The following C3orf62 variants were observed in gnomAD, a reference collection of about 807,000 sequenced individuals.
C3orf62 encodes the protein uncharacterized protein C3orf62.
A neutral mutation model predicts 21.7 loss-of-function variants in C3orf62; 16 were observed. The ratio of observed to expected loss-of-function variants is 0.74; its 90% CI spans 0.50 to 1.12. C3orf62 has a LOEUF of 1.12. C3orf62 is among the 50% of genes most tolerant of loss of function. The pLI, the probability that C3orf62 is intolerant of heterozygous loss-of-function variation, is 0.00. For missense variants in C3orf62, 310 were observed against 318.8 expected (o/e 0.97, Z 0.21); for synonymous variants, 114 against 117.0 (o/e 0.97, Z 0.17).
chr3:49,270,934 C>T lies in C3orf62; in HGVS notation c.*246G>A, dbSNP rs890218316. 9 of 500,498 alleles carry T rather than the reference C, an allele frequency of 1.8e-5. No homozygotes were observed. The highest frequency in any genetic ancestry group is 3.7e-5 in the Admixed American group (1 of 27,056). The allele number at this position is 500,498 out of a possible 1,614,324, so 31.0% of individuals were successfully genotyped here. A position where few individuals can be genotyped will look rare whatever the true frequency, so the allele number is the denominator to read the frequency against. The stretch of plus-strand genomic sequence containing the variant: ...GTATATTGAACATCAATCAAAAAAA[C>T]ACATTCAAGATGTCAAGGAAAGTTA... On this transcript the variant is annotated 3_prime_UTR_variant, in exon 3 of 3. Coordinates refer to ENST00000343010, the MANE Select transcript of C3orf62 (RefSeq NM_198562.3).
chr3:49,274,793 T>G (rs575994126), intron 1 of C3orf62, among the ~76,000 whole-genome samples: 37 of 151,552 alleles, frequency 2.4e-4, no homozygotes, highest in Non-Finnish European at 4.6e-4. Flanking sequence ...TCCAAAGTGC[T>G]GGGATTACAG....
intron 1 of C3orf62, among the ~76,000 whole-genome samples, chr3:49,276,217 A>G (rs1382083211): frequency 6.6e-6 from 1 of 152,272 alleles, no homozygotes; most frequent in South Asian, 2.1e-4. Context: ...ACGATTGACA[A>G]CTAGCCCCTC....
At chr3:49,273,810 C>A (rs1487817038) in intron 2 of C3orf62, among the ~76,000 whole-genome samples, 2 of 152,080 alleles carry the variant, frequency 1.3e-5, no homozygotes. Flanking sequence ...CGTGCACCAC[C>A]ACGCCTGGCT....
chr3:49,277,149 C>G lies in C3orf62; in HGVS notation c.-277G>C, dbSNP rs539655510. Reference sequence around the variant, plus strand: ...AGGCCGCTGGCCCTACCGGCACCCCCCCTTTGGCGAGTCGGCAGCCACGTC... The same window carrying G: ...AGGCCGCTGGCCCTACCGGCACCCCGCCTTTGGCGAGTCGGCAGCCACGTC... On this transcript the variant is annotated 5_prime_UTR_variant, in exon 1 of 3. Coordinates refer to ENST00000343010, the MANE Select transcript of C3orf62 (RefSeq NM_198562.3). 113 of 1,439,370 alleles carry G rather than the reference C, an allele frequency of 7.9e-5. No individual in the cohort carries two copies. The African/African-American group carries it at 9.0e-4, about 11-fold the overall frequency. 89.2% of individuals were successfully genotyped at this position (1,439,370 alleles called of 1,614,324 possible). A position where few individuals can be genotyped will look rare whatever the true frequency, so the allele number is the denominator to read the frequency against.
chr3:49,276,552 C>G lies in C3orf62; in HGVS notation c.321G>C (p.Leu107=). The G allele has an allele frequency of 3.1e-6, 5 of 1,614,202 alleles. No individual in the cohort carries two copies. Among genetic ancestry groups the G allele is most frequent in the Non-Finnish European group, 4.2e-6 (5 of 1,180,032 alleles). The change falls in exon 1 of 3, where the codon CTG becomes CTC. Residue 107 remains leucine (L), a synonymous_variant. Transcript: ENST00000343010. ...HAPVNAKPHA[L]CPERKPLTSK... is the part of the protein sequence containing the mutation. ...TGGTTAGAGGTTTTCTCTCGGGGCA[C>G]AGAGCATGTGGTTTTGCATTTACCG... is the stretch of plus-strand genomic sequence containing the variant.
Position 49,271,190 on chromosome 3 carries a change from T to G in C3orf62, c.794A>C (p.Gln265Pro), listed in dbSNP as rs993550670. 1 of 1,612,042 alleles carries G rather than the reference T, an allele frequency of 6.2e-7. No individual in the cohort carries two copies. Among genetic ancestry groups the G allele is most frequent in the Non-Finnish European group, 8.5e-7 (1 of 1,178,284 alleles). The change falls in exon 3 of 3, where the codon CAA becomes CCA. Residue 265 changes from glutamine to proline, a missense_variant. By Grantham distance (76) the Gln-to-Pro change is moderately conservative. Coordinates refer to ENST00000343010, the MANE Select transcript of C3orf62 (RefSeq NM_198562.3). ...CTTAGATAACTGTCCTTACTCAATT[T>G]GGTATTTAAAAGACGTCATCACATT... Reference protein sequence around the residue: ...DYNVMTSFKYQIE With the variant: ...DYNVMTSFKYPIE
chr3:49,273,797 C>T (rs1021121438), intron 2 of C3orf62, among the ~76,000 whole-genome samples: 2 of 151,770 alleles, frequency 1.3e-5, no homozygotes, highest in African/African-American at 2.4e-5. Context: ...CTGGGATTAC[C>T]GGCGTGCACC....
rs2046968647 is a variant in C3orf62 at position 49,277,014 on chromosome 3, G to C, written c.-142C>G. 6.8e-7 allele frequency: 1 copy of C among 1,462,914 alleles called. No homozygotes were observed. The highest frequency in any genetic ancestry group is 9.0e-7 in the Non-Finnish European group (1 of 1,110,324). 90.6% of individuals were successfully genotyped at this position (1,462,914 alleles called of 1,614,324 possible). A position where few individuals can be genotyped will look rare whatever the true frequency, so the allele number is the denominator to read the frequency against. The stretch of plus-strand genomic sequence containing the variant: ...TTCCTCCTGGAGTAGGCGGTTCTCG[G>C]CTCTCGCGGAGGAACCCGCCATCTG... On this transcript the variant is annotated 5_prime_UTR_variant, in exon 1 of 3. Coordinates refer to ENST00000343010, the MANE Select transcript of C3orf62 (RefSeq NM_198562.3).
chr3:49,273,389 A>C (rs1575594821), intron 2 of C3orf62, among the ~76,000 whole-genome samples: 1 of 151,962 alleles, frequency 6.6e-6, no homozygotes, highest in East Asian at 1.9e-4. Flanking sequence ...GTGCCACTGC[A>C]CTCCAGCCTG....
Position 49,276,550 on chromosome 3 carries a change from C to A in C3orf62, c.323G>T (p.Cys108Phe). Reference protein sequence around the residue: ...APVNAKPHALCPERKPLTSKE... With the variant: ...APVNAKPHALFPERKPLTSKE... Reference sequence around the variant, plus strand: ...GCTGGTTAGAGGTTTTCTCTCGGGGCACAGAGCATGTGGTTTTGCATTTAC... The same window carrying A: ...GCTGGTTAGAGGTTTTCTCTCGGGGAACAGAGCATGTGGTTTTGCATTTAC... The change falls in exon 1 of 3, where the codon TGC (cysteine) becomes TTC (phenylalanine). Residue 108 changes from cysteine to phenylalanine, a missense_variant. Transcript: ENST00000343010. 6.2e-7 allele frequency: 1 copy of A among 1,614,230 alleles called. No homozygotes were observed. Among genetic ancestry groups the A allele is most frequent in the East Asian group, 2.2e-5 (1 of 44,890 alleles).
At chr3:49,275,364 G>A (rs1055799722) in intron 1 of C3orf62, among the ~76,000 whole-genome samples, 1 of 151,400 alleles carries the variant, frequency 6.6e-6, no homozygotes, top group African/African-American at 2.4e-5. Context: ...TGAGATTACA[G>A]GCGTGCCACC....
chr3:49,276,321 A>G (rs1307245430), intron 1 of C3orf62, 106 bp downstream of exon 1: 14 of 1,064,578 alleles, frequency 1.3e-5, no homozygotes, highest in Non-Finnish European at 1.6e-5. Context: ...AGCTGCCAAG[A>G]GGAGGCAAGA....
At chr3:49,274,209 G>A (rs1393659470) in intron 1 of C3orf62, 69 bp from the exon 2 acceptor site, 5 of 1,221,080 alleles carry the variant, frequency 4.1e-6, no homozygotes, top group Non-Finnish European at 6.0e-6. Flanking sequence ...ATATTGAAGG[G>A]AAACTCAGTT....
Position 49,276,531 on chromosome 3 carries a change from T to C in C3orf62, c.342A>G (p.Leu114=), listed in dbSNP as rs1375522902. The C allele has an allele frequency of 1.9e-6, 3 of 1,614,126 alleles. No individual in the cohort carries two copies. Among genetic ancestry groups the C allele is most frequent in the Non-Finnish European group, 2.5e-6 (3 of 1,180,056 alleles). ...PHALCPERKP[L]TSKENVLMHS... is the part of the protein sequence containing the mutation. The stretch of plus-strand genomic sequence containing the variant: ...GCATCAATACATTTTCCTTGCTGGT[T>C]AGAGGTTTTCTCTCGGGGCACAGAG... The change falls in exon 1 of 3, where the codon CTA becomes CTG. Residue 114 remains leucine, a synonymous_variant. Transcript: ENST00000343010.
At position 49,276,717 on chromosome 3, in the gene C3orf62, C is replaced by A; in HGVS notation, c.156G>T (p.Ala52=). ...GCACGGGCAGCGAGAAGGAGAGCGGCGCGGCGCTCAGTTCCAGCCTCTGCT... is the reference window on the plus strand; with the variant it reads ...GCACGGGCAGCGAGAAGGAGAGCGGAGCGGCGCTCAGTTCCAGCCTCTGCT... ...TGQQRLELSA[A]PLSFSLPVHR... is the part of the protein sequence containing the mutation. The change falls in exon 1 of 3, where the codon GCG becomes GCT. Residue 52 remains alanine, a synonymous_variant. Coordinates refer to ENST00000343010, the MANE Select transcript of C3orf62 (RefSeq NM_198562.3). 1 of 1,614,168 alleles carries A rather than the reference C, an allele frequency of 6.2e-7. No individual in the cohort carries two copies. Among genetic ancestry groups the A allele is most frequent in the Non-Finnish European group, 8.5e-7 (1 of 1,180,036 alleles).
chr3:49,271,335 A>G lies in C3orf62; in HGVS notation c.649T>C (p.Trp217Arg), dbSNP rs1282808250. The change falls in exon 3 of 3, where the codon TGG becomes CGG. Residue 217 changes from tryptophan to arginine, a missense_variant. Trp to Arg is a moderately radical substitution (Grantham distance 101). Transcript: ENST00000343010. ...GGGCTCTTGTCCATGAGCAGGGCCC[A>G]GGCTTCCTCTTTGAAGGGTGAATCT... is the stretch of plus-strand genomic sequence containing the variant. ...CQDSPFKEEA[W>R]ALLMDKSPQK... 1 of 1,614,234 alleles carries G rather than the reference A, an allele frequency of 6.2e-7. No homozygotes were observed.
In C3orf62 at chr3:49,276,998, G is replaced by A; in HGVS notation, c.-126C>T. 6.8e-7 allele frequency: 1 copy of A among 1,469,874 alleles called. No homozygotes were observed. Among genetic ancestry groups the A allele is most frequent in the Non-Finnish European group, 9.0e-7 (1 of 1,113,794 alleles). The allele number at this position is 1,469,874 out of a possible 1,614,324, so 91.1% of individuals were successfully genotyped here. On this transcript the variant is annotated 5_prime_UTR_variant, in exon 1 of 3. Coordinates refer to ENST00000343010, the MANE Select transcript of C3orf62 (RefSeq NM_198562.3). ...CCACAACCCTCGGGCTTTCCTCCTG[G>A]AGTAGGCGGTTCTCGGCTCTCGCGG...
intron 1 of C3orf62, among the ~76,000 whole-genome samples, chr3:49,275,411 TATAA>T (rs2046945610): frequency 6.7e-6 from 1 of 149,454 alleles, no homozygotes; most frequent in Non-Finnish European, 1.5e-5. Context: ...TGAGTACCAA[TATAA>T]ATATTTGTGG....
chr3:49,275,533 T>TG (rs1559460096), intron 1 of C3orf62, among the ~76,000 whole-genome samples: 2 of 121,904 alleles, frequency 1.6e-5, no homozygotes, highest in Admixed American at 1.7e-4. Flanking sequence ...TTTTTTTTTT[T>TG]TTTTTTTTTT....
Sources: gnomAD v4.1 joint callset for allele counts (sites outside exome capture counted in the v4.1 genomes callset) on GRCh38, gnomAD v4.1.1 for gene constraint, MANE v1.5 for transcripts, NCBI Gene and HGNC (gene_info 2026-07-23, HGNC 2026-07-21) for gene names.